Variants in STAG3 observed in about 807,000 individuals in gnomAD.
STAG3 encodes the protein STAG3 cohesin complex component, also known as cohesin subunit SA-3.
A neutral mutation model predicts 160.7 loss-of-function variants in STAG3; 101 were observed. That is an observed-to-expected ratio of 0.63 (90% CI 0.54 to 0.74). The LOEUF is 0.74. Among genes scored for constraint, STAG3 ranks in the 30% least tolerant of loss-of-function variants. The pLI is 0.00. For synonymous variants in STAG3, 519 were observed against 585.0 expected (o/e 0.89, Z 1.63); for missense variants, 1,188 against 1,517.4 (o/e 0.78, Z 3.61).
intron 9 of STAG3, 25 bp downstream of exon 9, chr7:100,195,407 G>A: frequency 6.2e-7 from 1 of 1,605,644 alleles, no homozygotes. Flanking sequence ...CTCTCTCATT[G>A]AAGCAGCTGG....
intron 2 of STAG3, 49 bp downstream of exon 2, chr7:100,180,721 T>C: frequency 8.7e-7 from 1 of 1,149,408 alleles, no homozygotes. Context: ...CCTGGCAGCC[T>C]TCCCCCTCGT....
chr7:100,214,893 C>G (rs1802628444), downstream of STAG3: 1 of 152,106 alleles, frequency 6.6e-6, no homozygotes, highest in Admixed American at 6.5e-5. Context: ...GCTAGTTCTT[C>G]ACCAAATTCT....
chr7:100,213,941 G>A, intron 33 of STAG3, 66 bp from the exon 34 acceptor site: 1 of 1,613,782 alleles, frequency 6.2e-7, no homozygotes, highest in East Asian at 2.2e-5. Context: ...GTAACCCAGG[G>A]GAGGATGGTC....
chr7:100,188,493 A>C lies in STAG3; in HGVS notation c.474A>C (p.Ser158=), dbSNP rs750403445. The C allele has an allele frequency of 1.2e-6, 2 of 1,613,946 alleles. No individual in the cohort carries two copies. ...AGATGTTCAAGAAGATGTCCAACTC[A>C]GAGATCATCCAGCACCTAACAGAGC... ...TPEMFKKMSN[S]EIIQHLTEQF... is the part of the protein sequence containing the mutation. Residue 158 remains serine, a synonymous_variant, in exon 6 of 34, where the codon TCA becomes TCC. Transcript: ENST00000615138.
Position 100,202,271 on chromosome 7 carries a change from A to C in STAG3, c.2494A>C (p.Thr832Pro). Residue 832 changes from threonine to proline, a missense_variant, in exon 24 of 34, where the codon ACT becomes CCT. Transcript: ENST00000615138. ...GCCACTTGTCTTTTTTCCTGAAGCTACTCTCCAGTCTGAGCTAGCCAGCTT... is the reference window on the plus strand; with the variant it reads ...GCCACTTGTCTTTTTTCCTGAAGCTCCTCTCCAGTCTGAGCTAGCCAGCTT... ...LRPLVFFPEATLQSELASFLM... is the reference protein window; with the variant it reads ...LRPLVFFPEAPLQSELASFLM... The C allele has an allele frequency of 6.2e-7, 1 of 1,613,766 alleles. No homozygotes were observed. Among genetic ancestry groups the C allele is most frequent in the Non-Finnish European group, 8.5e-7 (1 of 1,179,970 alleles).
chr7:100,189,829 G>GT (rs370596284), intron 8 of STAG3, among the ~76,000 whole-genome samples: 2,955 of 144,778 alleles, frequency 0.02, 63 homozygotes, highest in African/African-American at 0.055. Context: ...CTTTTGCTCA[G>GT]TTTTTTTTTT....
chr7:100,188,930 G>GCTTC lies in STAG3; in HGVS notation c.631_634dup (p.Pro212LeufsTer25). On this transcript the variant is annotated frameshift_variant, in exon 7 of 34. Transcript: ENST00000615138. LOFTEE classifies it high-confidence loss of function. ...TGCCAGTACAGCCTCCTCTATGATG[G>GCTTC]CTTCCCTATGGACGACCTCATCTCC... 1 of 1,614,132 alleles carries GCTTC rather than the reference G, an allele frequency of 6.2e-7. No individual in the cohort carries two copies. Among genetic ancestry groups the GCTTC allele is most frequent in the Non-Finnish European group, 8.5e-7 (1 of 1,180,024 alleles).
chr7:100,197,452 G>A (rs900222770), intron 10 of STAG3, 173 bp downstream of exon 10: 2 of 915,686 alleles, frequency 2.2e-6, no homozygotes, highest in Non-Finnish European at 3.5e-6. Flanking sequence ...GGATAAGGTA[G>A]AGAGAGACAT....
chr7:100,202,978 T>C (rs1348170740), intron 25 of STAG3, among the ~76,000 whole-genome samples: 2 of 152,186 alleles, frequency 1.3e-5, no homozygotes, highest in Non-Finnish European at 2.9e-5. Flanking sequence ...TTTATGCTTA[T>C]TGAGCACCTG....
chr7:100,200,070 A>C, intron 16 of STAG3, 166 bp from the exon 17 acceptor site: 1 of 547,152 alleles, frequency 1.8e-6, no homozygotes, highest in Non-Finnish European at 3.2e-6. Flanking sequence ...CGTCTCAAAA[A>C]AAAAAAAAAA....
rs775110935 is a variant in STAG3, at chr7:100,202,057, A to C, written c.2394+16A>C. On this transcript the variant is annotated intron_variant, in intron 23 of 33. Transcript: ENST00000615138. ...CCAGGAGCAGGTGAGTACTGACTCA[A>C]GTGGGAGCAACAAGGCGAGTATCCC... 2.5e-6 allele frequency: 4 copies of C among 1,614,030 alleles called. No individual in the cohort carries two copies. In the East Asian group the frequency reaches 8.9e-5, roughly 36 times the overall value.
intron 21 of STAG3, 75 bp downstream of exon 21, chr7:100,201,426 A>C: frequency 7.6e-7 from 1 of 1,321,054 alleles, no homozygotes; most frequent in Non-Finnish European, 1.1e-6. Context: ...GGTGGCCACT[A>C]GGTGTGTCAA....
At chr7:100,204,584 G>T in intron 26 of STAG3, 43 bp from the exon 27 acceptor site, 1 of 1,598,412 alleles carries the variant, frequency 6.3e-7, no homozygotes. Flanking sequence ...TGTTTCCGCC[G>T]TGTTCCTCCC....
In STAG3 at chr7:100,211,518, G is replaced by A; in HGVS notation, c.3497G>A (p.Gly1166Asp). The A allele has an allele frequency of 6.2e-7, 1 of 1,613,676 alleles. No homozygotes were observed. The highest frequency in any genetic ancestry group is 8.5e-7 in the Non-Finnish European group (1 of 1,179,976). Residue 1166 changes from glycine to aspartate, a missense_variant, in exon 31 of 34, where the codon GGC becomes GAC. Around this residue, in one of 4 missense-constraint regions of STAG3, gnomAD observed 647 missense variants for 717.2 expected, o/e 0.90. Transcript: ENST00000615138. ...ACTCCACACAACCCTTCAGGTCCTG[G>A]CCTGGGCAACCAGCTGATGCGGTGA... ...FQTPHNPSGP[G>D]LGNQLMRLSL...
chr7:100,187,349 CGTT>C (rs370505614), intron 5 of STAG3, among the ~76,000 whole-genome samples: 70 of 149,816 alleles, frequency 4.7e-4, no homozygotes, highest in African/African-American at 1.4e-3. Context: ...TTTTTTTTGT[CGTT>C]GTTGTTGTTG....
chr7:100,203,953 T>A (rs529840831), intron 25 of STAG3, 68 bp from the exon 26 acceptor site: 2 of 1,016,876 alleles, frequency 2.0e-6, no homozygotes, highest in Non-Finnish European at 3.1e-6. Flanking sequence ...TGATTAGGGA[T>A]GTGAAGGAAG....
At chr7:100,194,259 T>C (rs1800541109) in intron 8 of STAG3, among the ~76,000 whole-genome samples, 1 of 152,212 alleles carries the variant, frequency 6.6e-6, no homozygotes. Flanking sequence ...GCTTAATCAT[T>C]TCTAGCTTTT....
chr7:100,200,598 T>C, intron 18 of STAG3, 56 bp downstream of exon 18: 1 of 1,582,562 alleles, frequency 6.3e-7, no homozygotes, highest in Non-Finnish European at 8.6e-7. Context: ...CAAAGGGTTC[T>C]ATTGCCAGTA....
intron 1 of STAG3, among the ~76,000 whole-genome samples, chr7:100,178,948 T>G (rs1483606763): frequency 6.6e-6 from 1 of 151,890 alleles, no homozygotes; most frequent in Admixed American, 6.6e-5. Context: ...CCCGCTTCAT[T>G]CTGCCGAGTA....
Sources: allele counts gnomAD v4.1 joint callset (sites outside exome capture counted in the v4.1 genomes callset), GRCh38; gene constraint gnomAD v4.1.1; regional missense constraint gnomAD v4.1.1; transcripts MANE v1.5; gene names NCBI Gene and HGNC (gene_info 2026-07-23, HGNC 2026-07-21).